Variants in CALN1 observed in about 807,000 individuals in gnomAD.
CALN1 encodes calneuron 1.
Under a neutral mutation model 30.6 loss-of-function variants are expected in CALN1, and 17 were observed. The ratio of observed to expected loss-of-function variants is 0.56; its 90% CI spans 0.38 to 0.83. CALN1 has a LOEUF of 0.83. Ranked by LOEUF, CALN1 falls within the 40% of genes least tolerant of loss-of-function variation. The pLI is 0.00. For synonymous variants in CALN1, 156 were observed against 131.4 expected (o/e 1.19, Z -1.28); for missense variants, 291 against 354.9 (o/e 0.82, Z 1.45).
At chr7:71,803,958 G>A (rs898554098) in intron 6 of CALN1, among the ~76,000 whole-genome samples, 4 of 151,860 alleles carry the variant, frequency 2.6e-5, no homozygotes, top group African/African-American at 9.7e-5. Flanking sequence ...GCGTGTGTGT[G>A]TGTGTGTGTG....
intron 5 of CALN1, among the ~76,000 whole-genome samples, chr7:71,871,260 C>T (rs996582056): frequency 2.3e-4 from 35 of 152,174 alleles, no homozygotes; most frequent in African/African-American, 8.0e-4. Flanking sequence ...AATAAAAGAG[C>T]TTTAAAAAAA....
chr7:72,053,584 T>C (rs1386706369), intron 4 of CALN1, among the ~76,000 whole-genome samples: 3 of 152,202 alleles, frequency 2.0e-5, no homozygotes, highest in Non-Finnish European at 4.4e-5. Flanking sequence ...ATTTTTTTTT[T>C]AAGATCTATG....
intron 2 of CALN1, among the ~76,000 whole-genome samples, chr7:72,332,536 C>T (rs1801744967): frequency 6.6e-6 from 1 of 151,888 alleles, no homozygotes; most frequent in Admixed American, 6.6e-5. Flanking sequence ...TTGAGTCCCA[C>T]CTCCTACCTC....
intron 3 of CALN1, among the ~76,000 whole-genome samples, chr7:72,158,420 A>G (rs1787871205): frequency 6.6e-6 from 1 of 152,112 alleles, no homozygotes; most frequent in African/African-American, 2.4e-5. Context: ...GCCTCCCCCA[A>G]AATATTCCTT....
At chr7:72,274,700 A>T (rs1003817142) in intron 3 of CALN1, among the ~76,000 whole-genome samples, 3 of 152,098 alleles carry the variant, frequency 2.0e-5, no homozygotes, top group African/African-American at 7.2e-5. Flanking sequence ...GAGGCAATGA[A>T]TATTATGCTT....
chr7:72,105,970 T>G (rs1200831618), intron 4 of CALN1, among the ~76,000 whole-genome samples, 181 bp downstream of exon 4: 1 of 152,080 alleles, frequency 6.6e-6, no homozygotes, highest in Non-Finnish European at 1.5e-5. Context: ...TGAAACCATC[T>G]CTACAGGCCC....
intron 4 of CALN1, among the ~76,000 whole-genome samples, chr7:72,092,625 TAAAAAAA>T (rs369445548): frequency 1.9e-5 from 2 of 106,280 alleles, no homozygotes; most frequent in Non-Finnish European, 3.7e-5. Context: ...TGTATTCTAG[TAAAAAAA>T]AAAAAAAAAA....
At chr7:72,217,962 C>T (rs184599661) in intron 3 of CALN1, among the ~76,000 whole-genome samples, 1 of 150,256 alleles carries the variant, frequency 6.7e-6, no homozygotes, top group African/African-American at 2.4e-5. Context: ...CCTGCCTCAG[C>T]CTCCCGAGTA....
intron 3 of CALN1, among the ~76,000 whole-genome samples, chr7:72,278,177 G>A (rs1797481017): frequency 6.6e-6 from 1 of 151,948 alleles, no homozygotes; most frequent in Admixed American, 6.6e-5. Flanking sequence ...AGAAACAGAG[G>A]CAATTAAAAT....
At chr7:72,101,011 T>C (rs1806622993) in intron 4 of CALN1, among the ~76,000 whole-genome samples, 1 of 151,588 alleles carries the variant, frequency 6.6e-6, no homozygotes, top group Non-Finnish European at 1.5e-5. Flanking sequence ...TCACCCAGGC[T>C]GGAGTGCAGT....
At chr7:72,271,575 A>AAAAAAAAAATATATATATATATATAT in intron 3 of CALN1, among the ~76,000 whole-genome samples, 10 of 52,116 alleles carry the variant, frequency 1.9e-4, no homozygotes, top group African/African-American at 4.0e-4. Context: ...AAAAAAAAAA[A>AAAAAAAAAATATATATATATATATAT]ATATATATAT....
chr7:72,027,758 CAA>C (rs1491233478), intron 4 of CALN1, among the ~76,000 whole-genome samples: 38 of 133,138 alleles, frequency 2.9e-4, no homozygotes, highest in Non-Finnish European at 4.9e-4. Context: ...CACACACACA[CAA>C]AAACACATGA....
rs560654989 is a variant in CALN1 at position 72,233,939 on chromosome 7, G to A, written c.244+44747C>T. On this transcript the variant is annotated intron_variant, in intron 3 of 6. Transcript: ENST00000395275. ...GAATCGCTTGAGCCTGGGAGACAGA[G>A]GTTGCAGTGAGTCAAGATCACACCA... Among the ~76,000 whole-genome samples the A allele has an allele frequency of 5.8e-3, 884 of 152,270 alleles. 15 individuals are homozygous for A. The highest frequency in any genetic ancestry group is 0.02 in the African/African-American group (841 of 41,554).
chr7:72,139,540 A>C (rs1585021125), intron 3 of CALN1, among the ~76,000 whole-genome samples: 1 of 129,314 alleles, frequency 7.7e-6, no homozygotes, highest in African/African-American at 3.1e-5. Context: ...GGCCATGTCC[A>C]CCCCCTCAGC....
chr7:71,926,030 G>A (rs1050818676), intron 5 of CALN1, among the ~76,000 whole-genome samples: 1 of 152,132 alleles, frequency 6.6e-6, no homozygotes, highest in Admixed American at 6.6e-5. Context: ...AGGTGGTGTA[G>A]TTTTGAGGAC....
At chr7:72,203,349 A>C (rs772241848) in intron 3 of CALN1, among the ~76,000 whole-genome samples, 19 of 148,650 alleles carry the variant, frequency 1.3e-4, no homozygotes, top group Non-Finnish European at 2.6e-4. Context: ...ACTTAAAGTA[A>C]AATAAAAAAT....
chr7:71,956,329 T>C (rs1243024914), intron 5 of CALN1, among the ~76,000 whole-genome samples: 1 of 151,264 alleles, frequency 6.6e-6, no homozygotes, highest in Non-Finnish European at 1.5e-5. Flanking sequence ...TTGTTTCCTT[T>C]TGTGATGAGT....
intron 3 of CALN1, among the ~76,000 whole-genome samples, chr7:72,118,477 G>C (rs942922380): frequency 1.3e-5 from 2 of 152,198 alleles, no homozygotes; most frequent in African/African-American, 4.8e-5. Flanking sequence ...AAGGGTTTAA[G>C]AACTAGAGCA....
intron 3 of CALN1, among the ~76,000 whole-genome samples, chr7:72,237,904 GCT>G (rs1198073705): frequency 6.6e-6 from 1 of 152,214 alleles, no homozygotes; most frequent in African/African-American, 2.4e-5. Context: ...CAACATCATG[GCT>G]CTTTCTGCCT....
Sources: allele counts gnomAD v4.1 joint callset (sites outside exome capture counted in the v4.1 genomes callset), GRCh38; gene constraint gnomAD v4.1.1; transcripts MANE v1.5; gene names NCBI Gene and HGNC (gene_info 2026-07-23, HGNC 2026-07-21).